The following BSN variants were observed in gnomAD, a reference collection of about 807,000 sequenced individuals.
BSN encodes the protein protein bassoon.
A neutral mutation model predicts 264.8 loss-of-function variants in BSN; 57 were observed. The observed-to-expected ratio is 0.22, with a 90% confidence interval of 0.17 to 0.27. BSN has a LOEUF of 0.27. BSN is among the 10% of genes least tolerant of loss of function. The pLI is 1.00. For missense variants in BSN, 4,615 were observed against 5,232.5 expected, an observed-to-expected ratio of 0.88 and a Z score of 3.64; for synonymous variants, 2,059 against 2,137.3, an observed-to-expected ratio of 0.96 and a Z score of 1.01.
At chr3:49,574,130 G>GTC (rs1575426737) in intron 1 of BSN, among the ~76,000 whole-genome samples, 1 of 66,380 alleles carries the variant, frequency 1.5e-5, no homozygotes, top group Non-Finnish European at 3.0e-5. Flanking sequence ...TTGTATTTTT[G>GTC]TATTTTTTTT....
At chr3:49,573,306 A>G (rs1559594980) in intron 1 of BSN, among the ~76,000 whole-genome samples, 1 of 152,200 alleles carries the variant, frequency 6.6e-6, no homozygotes, top group Non-Finnish European at 1.5e-5. Flanking sequence ...GGAACCACAC[A>G]TGCAAAGGCC....
rs780839026 is a variant in BSN at position 49,655,207 on chromosome 3, C to T, written c.5651C>T (p.Ala1884Val). The change falls in exon 5 of 12, where the codon GCG (alanine) becomes GTG (valine). Residue 1884 changes from alanine (A) to valine (V), a missense_variant. Physicochemically the swap from Ala to Val is moderately conservative, Grantham distance 64. Coordinates refer to ENST00000296452, the MANE Select transcript of BSN (RefSeq NM_003458.4). ...TVTTLLPEEP[A>V]GALDLTGMRP... The stretch of plus-strand genomic sequence containing the variant: ...ACCACACTGCTCCCAGAGGAGCCTG[C>T]GGGTGCCCTGGACCTTACCGGGATG... The T allele has an allele frequency of 1.7e-5, 28 of 1,612,848 alleles. No homozygotes were observed. Among genetic ancestry groups the T allele is most frequent in the South Asian group, 1.3e-4 (12 of 91,088 alleles).
chr3:49,660,530 G>T lies in BSN; in HGVS notation c.8685G>T (p.Arg2895=), dbSNP rs765977697. Residue 2895 remains arginine (R), a synonymous_variant, in exon 6 of 12, where the codon CGG becomes CGT. Coordinates refer to ENST00000296452, the MANE Select transcript of BSN (RefSeq NM_003458.4). This position sits in a 1 kb window ranked among gnomAD's most constrained non-coding sequence, Gnocchi z 7.1. ...PPNSLVRKVK[R]TLPSPPPEEA... ...ACAGCCTGGTCCGCAAGGTGAAGCG[G>T]ACACTGCCCAGCCCCCCTCCAGAGG... 1 of 1,557,320 alleles carries T rather than the reference G, an allele frequency of 6.4e-7. No homozygotes were observed. Among genetic ancestry groups the T allele is most frequent in the African/African-American group, 1.4e-5 (1 of 73,358 alleles).
chr3:49,579,363 A>C (rs1301476174), intron 1 of BSN, among the ~76,000 whole-genome samples: 1 of 151,982 alleles, frequency 6.6e-6, no homozygotes, highest in Non-Finnish European at 1.5e-5. Context: ...ATTTATCAAT[A>C]AGTATGATTT....
Position 49,652,626 on chromosome 3 carries a change from A to G in BSN, c.3070A>G (p.Lys1024Glu), listed in dbSNP as rs2052553298. ...TCTAGAAGAAGCAAAGCAGCAGCGC[A>G]AGGCCCGGCACCGCTCCCACGGGCC... ...QRLEEAKQQRKARHRSHGPLL... is the reference protein window; with the variant it reads ...QRLEEAKQQREARHRSHGPLL... The change falls in exon 5 of 12, where the codon AAG (lysine) becomes GAG (glutamate). Residue 1024 changes from lysine (K) to glutamate (E), a missense_variant. Lys to Glu is a moderately conservative substitution (Grantham distance 56). Transcript: ENST00000296452. 1 of 1,612,952 alleles carries G rather than the reference A, an allele frequency of 6.2e-7. No individual in the cohort carries two copies. Among genetic ancestry groups the G allele is most frequent in the Non-Finnish European group, 8.5e-7 (1 of 1,179,562 alleles).
At chr3:49,636,191 T>C (rs1026675310) in intron 2 of BSN, among the ~76,000 whole-genome samples, 12 of 152,156 alleles carry the variant, frequency 7.9e-5, no homozygotes, top group African/African-American at 2.9e-4. Flanking sequence ...GGAGTGACCA[T>C]GGAAGTCATT....
chr3:49,570,668 C>G (rs1036961984), intron 1 of BSN, among the ~76,000 whole-genome samples: 1 of 152,192 alleles, frequency 6.6e-6, no homozygotes, highest in Non-Finnish European at 1.5e-5. Context: ...AACCTCTACA[C>G]CCCTGAGTGT....
At chr3:49,571,939 C>T (rs1249048926) in intron 1 of BSN, among the ~76,000 whole-genome samples, 1 of 152,132 alleles carries the variant, frequency 6.6e-6, no homozygotes, top group African/African-American at 2.4e-5. Flanking sequence ...GGCTTTGCTC[C>T]CCAGAGCACA....
chr3:49,565,873 G>A (rs771535776), intron 1 of BSN, among the ~76,000 whole-genome samples: 3 of 152,104 alleles, frequency 2.0e-5, no homozygotes, highest in Non-Finnish European at 2.9e-5. Flanking sequence ...CTAGGCTAGA[G>A]TGCAGCGGCG....
chr3:49,672,222 G>T (rs932483181), downstream of BSN, among the ~76,000 whole-genome samples: 7 of 151,834 alleles, frequency 4.6e-5, no homozygotes, highest in Non-Finnish European at 1.0e-4. Context: ...TTTATTTCAG[G>T]TACTTAAATG....
intron 1 of BSN, among the ~76,000 whole-genome samples, chr3:49,556,359 C>T (rs1264590907): frequency 5.3e-5 from 8 of 152,160 alleles, no homozygotes; most frequent in Non-Finnish European, 1.5e-5. Context: ...TCAGAGGGAC[C>T]GGAAGGAGGC....
chr3:49,662,634 GC>G, intron 6 of BSN, 72 bp downstream of exon 6: 1 of 1,520,750 alleles, frequency 6.6e-7, no homozygotes, highest in Non-Finnish European at 8.8e-7. Context: ...GGGGCCCTGG[GC>G]CCTAAGATGT....
At chr3:49,596,400 T>A (rs2052023195) in intron 1 of BSN, among the ~76,000 whole-genome samples, 1 of 152,188 alleles carries the variant, frequency 6.6e-6, no homozygotes, top group South Asian at 2.1e-4. Flanking sequence ...CGAGACTCCG[T>A]CTCAAAAACA....
intron 3 of BSN, among the ~76,000 whole-genome samples, chr3:49,643,788 G>A (rs781517045): frequency 1.3e-5 from 2 of 152,218 alleles, no homozygotes; most frequent in Non-Finnish European, 2.9e-5. Context: ...GGGATGCTCA[G>A]AGATGCTTCT....
Position 49,660,879 on chromosome 3 carries a change from C to T in BSN, c.9034C>T (p.Leu3012=), listed in dbSNP as rs1463702001. ...TGGTCTTGGCGAGCATCGTGACTAC[C>T]TATCGGACAGTGAGCTCAACCAGCT... is the stretch of plus-strand genomic sequence containing the variant. The part of the protein sequence containing the change: ...LRGLGEHRDY[L]SDSELNQLRL... Residue 3012 remains leucine, a synonymous_variant, in exon 6 of 12, where the codon CTA becomes TTA. Coordinates refer to ENST00000296452, the MANE Select transcript of BSN (RefSeq NM_003458.4). The surrounding 1 kb of genome is among the most constrained non-coding windows in gnomAD (Gnocchi z 7.1). The T allele has an allele frequency of 3.7e-6, 6 of 1,613,130 alleles. No homozygotes were observed. In the African/African-American group the frequency reaches 4.0e-5, roughly 11 times the overall value.
chr3:49,587,046 A>G (rs1299413941), intron 1 of BSN, among the ~76,000 whole-genome samples: 6 of 152,134 alleles, frequency 3.9e-5, no homozygotes, highest in Non-Finnish European at 8.8e-5. Flanking sequence ...TGAATATGGA[A>G]TATTTTTCCA....
rs1294440648 is a variant in BSN at position 49,642,751 on chromosome 3, A to C, written c.1117A>C (p.Thr373Pro). ...CATGTCTGTGCAGCCCGAGGCTGAC[A>C]CCCAGGGCCAGCCTGCCCCCAGCAA... is the stretch of plus-strand genomic sequence containing the variant. ...TLMSVQPEAD[T>P]QGQPAPSKGT... Residue 373 changes from threonine to proline, a missense_variant, in exon 3 of 12, where the codon ACC (threonine) becomes CCC (proline). Thr to Pro is a conservative substitution (Grantham distance 38). Transcript: ENST00000296452. This position sits in a 1 kb window ranked among gnomAD's most constrained non-coding sequence, Gnocchi z 7.0. The C allele has an allele frequency of 1.9e-6, 3 of 1,613,328 alleles. No individual in the cohort carries two copies. Among genetic ancestry groups the C allele is most frequent in the East Asian group, 4.5e-5 (2 of 44,874 alleles).
intron 1 of BSN, among the ~76,000 whole-genome samples, chr3:49,568,692 G>T (rs147939659): frequency 6.6e-6 from 1 of 152,136 alleles, no homozygotes; most frequent in East Asian, 1.9e-4. Flanking sequence ...ATATGCCATG[G>T]TTTATCTATG....
intron 1 of BSN, among the ~76,000 whole-genome samples, chr3:49,570,055 G>T (rs1204761813): frequency 5.3e-5 from 8 of 152,212 alleles, no homozygotes; most frequent in African/African-American, 1.7e-4. Flanking sequence ...TTAGGGATCA[G>T]GATGCAGGCT....
Sources: allele counts gnomAD v4.1 joint callset (sites outside exome capture counted in the v4.1 genomes callset), GRCh38; gene constraint gnomAD v4.1.1; non-coding constraint Gnocchi (gnomAD v3.1); transcripts MANE v1.5; gene names NCBI Gene and HGNC (gene_info 2026-07-23, HGNC 2026-07-21).